The following UCHL1 variants were observed in gnomAD, a reference collection of about 807,000 sequenced individuals.
UCHL1 encodes ubiquitin carboxyl-terminal hydrolase isozyme L1.
A neutral mutation model predicts 33.3 loss-of-function variants in UCHL1; 5 were observed. The observed-to-expected ratio is 0.15, with a 90% CI of 0.08 to 0.32. The LOEUF (loss-of-function observed/expected upper bound fraction) is 0.32, where lower values mean the gene tolerates loss of function less well. Ranked by LOEUF, UCHL1 falls within the 10% of genes least tolerant of loss-of-function variation. UCHL1 has a pLI of 1.00. For synonymous variants in UCHL1, 132 were observed against 108.8 expected (o/e 1.21, Z -1.33); for missense variants, 236 against 280.0 (o/e 0.84, Z 1.12).
intron 6 of UCHL1, among the ~76,000 whole-genome samples, chr4:41,262,578 T>C (rs2154087238): frequency 6.6e-6 from 1 of 151,880 alleles, no homozygotes; most frequent in East Asian, 1.9e-4. Flanking sequence ...CATAATCTGA[T>C]GAGAACCTCT....
intron 8 of UCHL1, among the ~76,000 whole-genome samples, chr4:41,264,770 G>A (rs1347795119): frequency 6.6e-6 from 1 of 152,144 alleles, no homozygotes; most frequent in Non-Finnish European, 1.5e-5. Context: ...AGCCTCTAGA[G>A]TTGAATCAAT....
chr4:41,264,203 T>C (rs765274983), intron 8 of UCHL1, 42 bp downstream of exon 8: 23 of 1,613,098 alleles, frequency 1.4e-5, no homozygotes, highest in Non-Finnish European at 2.0e-5. Context: ...GCCTCACAAT[T>C]CTTTGGCTAA....
chr4:41,267,348 A>C (rs370072403), intron 8 of UCHL1, among the ~76,000 whole-genome samples: 1 of 152,018 alleles, frequency 6.6e-6, no homozygotes, highest in Non-Finnish European at 1.5e-5. Flanking sequence ...GGTTCACGCC[A>C]TTCTCCTGCC....
chr4:41,260,296 G>A (rs1484091566), intron 3 of UCHL1, among the ~76,000 whole-genome samples: 1 of 152,238 alleles, frequency 6.6e-6, no homozygotes, highest in African/African-American at 2.4e-5. Context: ...GTTGTTAAGT[G>A]TTAAAGGGAG....
intron 8 of UCHL1, among the ~76,000 whole-genome samples, chr4:41,266,061 A>AT (rs770327929): frequency 7.9e-5 from 12 of 152,130 alleles, no homozygotes; most frequent in Non-Finnish European, 1.6e-4. Context: ...CATGAGTAGA[A>AT]TTTATAAGGT....
At chr4:41,262,639 A>AG (rs1287109172) in intron 6 of UCHL1, among the ~76,000 whole-genome samples, 1 of 151,758 alleles carries the variant, frequency 6.6e-6, no homozygotes, top group African/African-American at 2.4e-5. Context: ...TTAAAAAAAA[A>AG]AAAAAGTTGA....
chr4:41,260,791 G>A lies in UCHL1; in HGVS notation c.319G>A (p.Gly107Arg), dbSNP rs1425510137. Residue 107 changes from glycine (G) to arginine (R), a missense_variant, in exon 4 of 9, where the codon GGA (glycine) becomes AGA (arginine). Physicochemically the swap from Gly to Arg is moderately radical, Grantham distance 125. Coordinates refer to ENST00000284440, the MANE Select transcript of UCHL1 (RefSeq NM_004181.5). ...AGTGGCCAATAATCAAGACAAACTG[G>A]GATTTGGTAGGTGTGGGTTTTGAGG... ...HAVANNQDKL[G>R]FEDGSVLKQF... is the part of the protein sequence containing the mutation. 33 of 1,613,974 alleles carry A rather than the reference G, an allele frequency of 2.0e-5. No individual in the cohort carries two copies. The highest frequency in any genetic ancestry group is 2.8e-5 in the Non-Finnish European group (33 of 1,180,018).
At chr4:41,264,069 G>T (rs1561081998) in intron 7 of UCHL1, 34 bp from the exon 8 acceptor site, 2 of 1,614,190 alleles carry the variant, frequency 1.2e-6, no homozygotes, top group Non-Finnish European at 1.7e-6. Context: ...AAAACATGCA[G>T]AGAAAATTGA....
intron 7 of UCHL1, among the ~76,000 whole-genome samples, chr4:41,263,620 G>A (rs533807717): frequency 6.6e-6 from 1 of 152,332 alleles, no homozygotes; most frequent in Non-Finnish European, 1.5e-5. Context: ...CATCAAGAAA[G>A]ACGACCCACC....
chr4:41,261,898 C>T lies in UCHL1; in HGVS notation c.434C>T (p.Ala145Val). ...KNEAIQAAHD[A>V]VAQEGQCRVD... The stretch of plus-strand genomic sequence containing the variant: ...CAGGCCATACAGGCAGCCCATGATG[C>T]CGTGGCACAGGAAGGCCAATGTCGG... The change falls in exon 6 of 9, where the codon GCC becomes GTC. Residue 145 changes from alanine to valine, a missense_variant. By Grantham distance (64) the Ala-to-Val change is moderately conservative. Transcript: ENST00000284440. The T allele has an allele frequency of 6.2e-7, 1 of 1,614,080 alleles. No homozygotes were observed. The highest frequency in any genetic ancestry group is 8.5e-7 in the Non-Finnish European group (1 of 1,180,020).
chr4:41,259,951 A>AT (rs1252721111), intron 3 of UCHL1, among the ~76,000 whole-genome samples: 10 of 152,196 alleles, frequency 6.6e-5, no homozygotes, highest in Non-Finnish European at 1.0e-4. Flanking sequence ...AGTCCGATTC[A>AT]TTTACCAGTC....
At chr4:41,262,821 G>A (rs558883003) in intron 6 of UCHL1, among the ~76,000 whole-genome samples, 4 of 152,120 alleles carry the variant, frequency 2.6e-5, no homozygotes, top group Admixed American at 2.6e-4. Context: ...GTTCAGGCTG[G>A]TCTTGAACTC....
chr4:41,267,852 G>T (rs1781178898), intron 8 of UCHL1, 135 bp from the exon 9 acceptor site: 1 of 824,458 alleles, frequency 1.2e-6, no homozygotes, highest in African/African-American at 1.7e-5. Flanking sequence ...TTTAAGCCCT[G>T]GTTTTCAAAT....
chr4:41,257,173 C>G (rs756027156), intron 2 of UCHL1, 47 bp downstream of exon 2: 1 of 1,611,028 alleles, frequency 6.2e-7, no homozygotes, highest in Non-Finnish European at 8.5e-7. Flanking sequence ...CCGCGAGCGC[C>G]GAGGCGGGGG....
In UCHL1 at chr4:41,260,601, T is replaced by G. The variant is rs781646986; in HGVS notation, c.175-46T>G. The G allele has an allele frequency of 4.3e-6, 7 of 1,609,370 alleles. No individual in the cohort carries two copies. The South Asian group carries it at 6.7e-5, about 15-fold the overall frequency. On this transcript the variant is annotated intron_variant, in intron 3 of 8. Transcript: ENST00000284440. Reference sequence around the variant, plus strand: ...AGAACTCATGTGCTGCCATCTGTTCTTTGCACTTTCATTCTGAGATGTAAA... The same window carrying G: ...AGAACTCATGTGCTGCCATCTGTTCGTTGCACTTTCATTCTGAGATGTAAA...
Position 41,268,349 on chromosome 4 carries a change from T to A in UCHL1, c.*276T>A, listed in dbSNP as rs116336893. 5.3e-3 allele frequency: 2,651 copies of A among 503,012 alleles called. 18 individuals are homozygous for A. Among genetic ancestry groups the A allele is most frequent in the Middle Eastern group, 0.014 (26 of 1,874 alleles). 31.2% of individuals were successfully genotyped at this position (503,012 alleles called of 1,614,324 possible). On this transcript the variant is annotated 3_prime_UTR_variant, in exon 9 of 9. Coordinates refer to ENST00000284440, the MANE Select transcript of UCHL1 (RefSeq NM_004181.5). The stretch of plus-strand genomic sequence containing the variant: ...CTAACGCTTTAAATGGCTACTTTGG[T>A]TTCTGTCTGTAAGTTAAGACCTTGG...
intron 3 of UCHL1, 70 bp from the exon 4 acceptor site, chr4:41,260,577 G>A: frequency 6.4e-7 from 1 of 1,569,766 alleles, no homozygotes; most frequent in Non-Finnish European, 8.7e-7. Context: ...TTAGTTGGTA[G>A]AACTCATGTG....
In UCHL1 at chr4:41,257,165, G is replaced by A. The variant is rs199550545; in HGVS notation, c.45+39G>A. 397 of 1,611,366 alleles carry A rather than the reference G, an allele frequency of 2.5e-4. 1 individual carries two copies. The African/African-American group carries it at 4.7e-3, about 19-fold the overall frequency. Reference sequence around the variant, plus strand: ...CGCGCCGTCTCTGGCCCCCTCCCCCGCGAGCGCCGAGGCGGGGGCGCCCAC... The same window carrying A: ...CGCGCCGTCTCTGGCCCCCTCCCCCACGAGCGCCGAGGCGGGGGCGCCCAC... On this transcript the variant is annotated intron_variant, in intron 2 of 8. Coordinates refer to ENST00000284440, the MANE Select transcript of UCHL1 (RefSeq NM_004181.5).
chr4:41,257,938 C>T (rs368149337), intron 3 of UCHL1, among the ~76,000 whole-genome samples: 7 of 152,226 alleles, frequency 4.6e-5, no homozygotes, highest in East Asian at 1.9e-4. Context: ...CTTGCCCATC[C>T]GTCCACAATT....
Sources: gnomAD v4.1 joint callset for allele counts (sites outside exome capture counted in the v4.1 genomes callset) on GRCh38, gnomAD v4.1.1 for gene constraint, MANE v1.5 for transcripts, NCBI Gene and HGNC (gene_info 2026-07-23, HGNC 2026-07-21) for gene names.